SNX31: variants seen among roughly 807,000 people sequenced by gnomAD.
The protein encoded by SNX31 is sorting nexin-31.
Under a neutral mutation model 65.4 loss-of-function variants are expected in SNX31, and 58 were observed. The observed-to-expected ratio is 0.89, with a 90% CI of 0.72 to 1.10. SNX31 has a LOEUF of 1.10. SNX31 is among the 50% of genes least tolerant of loss of function. SNX31 has a pLI of 0.00. For missense variants in SNX31, 523 were observed against 529.7 expected (o/e 0.99, Z 0.12); for synonymous variants, 181 against 190.1 (o/e 0.95, Z 0.39).
chr8:100,655,123 C>G (rs1300094914), intron 1 of SNX31, among the ~76,000 whole-genome samples: 1 of 152,112 alleles, frequency 6.6e-6, no homozygotes, highest in Non-Finnish European at 1.5e-5. Flanking sequence ...ATACCAGCAC[C>G]TTGGGGAAGG....
intron 2 of SNX31, among the ~76,000 whole-genome samples, chr8:100,647,306 T>C (rs76833473): frequency 0.066 from 9,994 of 152,280 alleles, 455 homozygotes; most frequent in Non-Finnish European, 0.095. Flanking sequence ...CTATTGTATG[T>C]CCTACTGAGG....
rs537854541 is a variant in SNX31, at chr8:100,649,461, C to T, written c.54G>A (p.Gly18=). The T allele has an allele frequency of 3.8e-6, 6 of 1,588,492 alleles. No homozygotes were observed. Among genetic ancestry groups the T allele is most frequent in the Non-Finnish European group, 5.1e-6 (6 of 1,168,250 alleles). ...PVSQQRSDAL[G]GRYVLYSVHL... ...GCCCTGGGCGCACCACGTAGCGGCC[C>T]CCCAGCGCGTCGGACCGCTGCTGGG... The change falls in exon 1 of 14, where the codon GGG becomes GGA. Residue 18 remains glycine, a synonymous_variant. Transcript: ENST00000311812.
intron 13 of SNX31, among the ~76,000 whole-genome samples, chr8:100,574,282 A>G (rs1366787978): frequency 6.6e-6 from 1 of 152,152 alleles, no homozygotes; most frequent in African/African-American, 2.4e-5. Context: ...GCGACTTTCA[A>G]TTTTTAACTT....
At chr8:100,624,742 A>G (rs1817931970) in intron 4 of SNX31, among the ~76,000 whole-genome samples, 1 of 152,206 alleles carries the variant, frequency 6.6e-6, no homozygotes, top group African/African-American at 2.4e-5. Context: ...AGCTGGGGGG[A>G]AAAGTCAACC....
At chr8:100,602,315 A>T (rs1249052554) in intron 8 of SNX31, among the ~76,000 whole-genome samples, 1 of 152,210 alleles carries the variant, frequency 6.6e-6, no homozygotes, top group African/African-American at 2.4e-5. Flanking sequence ...GCTGGGGGAA[A>T]AGGACATGGG....
Position 100,625,036 on chromosome 8 carries a change from C to G in SNX31, c.321+5291G>C, listed in dbSNP as rs1219536324. Among the ~76,000 whole-genome samples the G allele has an allele frequency of 1.3e-5, 2 of 152,080 alleles. No homozygotes were observed. The highest frequency in any genetic ancestry group is 1.3e-4 in the Admixed American group (2 of 15,258). Reference sequence around the variant, plus strand: ...ATGTTGCCCAGGCTGGTCTTCAACTCCTGGCCTCAAGTAATTCTCCCACCT... The same window carrying G: ...ATGTTGCCCAGGCTGGTCTTCAACTGCTGGCCTCAAGTAATTCTCCCACCT... On this transcript the variant is annotated intron_variant, in intron 4 of 13. Coordinates refer to ENST00000311812, the MANE Select transcript of SNX31 (RefSeq NM_152628.4). The surrounding 1 kb of genome is among the most constrained non-coding windows in gnomAD (Gnocchi z 4.2).
In SNX31 at chr8:100,649,431, C is replaced by T; in HGVS notation, c.66+18G>A. 6.7e-7 allele frequency: 1 copy of T among 1,493,550 alleles called. No homozygotes were observed. The allele number at this position is 1,493,550 out of a possible 1,614,324, so 92.5% of individuals were successfully genotyped here. On this transcript the variant is annotated intron_variant, in intron 1 of 13. Transcript: ENST00000311812. ...CCGGCCCCCTCCCTGCCCACCCTGA[C>T]CCCAGCCCTGGGCGCACCACGTAGC...
intron 12 of SNX31, among the ~76,000 whole-genome samples, chr8:100,581,689 A>G (rs1456106371): frequency 1.3e-5 from 2 of 152,186 alleles, no homozygotes; most frequent in Non-Finnish European, 2.9e-5. Flanking sequence ...TGCAAAATAG[A>G]GACCTCTGTG....
intron 4 of SNX31, among the ~76,000 whole-genome samples, chr8:100,624,267 G>A (rs1563563098): frequency 6.6e-6 from 1 of 152,096 alleles, no homozygotes; most frequent in Non-Finnish European, 1.5e-5. Context: ...GCAACATAGT[G>A]AGATCCTGTA....
rs149658349 is a variant in SNX31 at position 100,608,539 on chromosome 8, G to C, written c.636C>G (p.Ser212=). The C allele has an allele frequency of 1.2e-5, 20 of 1,613,842 alleles. No homozygotes were observed. The African/African-American group carries it at 2.3e-4, about 18-fold the overall frequency. Residue 212 remains serine, a synonymous_variant, in exon 8 of 14, where the codon TCC becomes TCG. Transcript: ENST00000311812. ...CCGCCACCCTGCAGTCCATCAGCAC[G>C]GAGTCGAGGGATGGAGCCATATACC... is the stretch of plus-strand genomic sequence containing the variant. ...RKWYMAPSLD[S]VLMDCRVAVD...
intron 3 of SNX31, among the ~76,000 whole-genome samples, chr8:100,631,018 C>G (rs1818376922): frequency 1.3e-5 from 2 of 152,036 alleles, no homozygotes; most frequent in African/African-American, 2.4e-5. Context: ...AAATGCCCAA[C>G]CTCAGGTGAT....
intron 8 of SNX31, among the ~76,000 whole-genome samples, chr8:100,606,725 C>T (rs991648956): frequency 6.6e-6 from 1 of 152,190 alleles, no homozygotes; most frequent in South Asian, 2.1e-4. Context: ...TAAATAAAGG[C>T]CACCTGTAAA....
intron 10 of SNX31, among the ~76,000 whole-genome samples, chr8:100,593,026 C>A (rs1814726607): frequency 6.6e-6 from 1 of 152,052 alleles, no homozygotes; most frequent in African/African-American, 2.4e-5. Flanking sequence ...TTTTTTAGGG[C>A]TGGGGGGATA....
chr8:100,587,654 G>A (rs902876393), intron 11 of SNX31, among the ~76,000 whole-genome samples: 12 of 152,222 alleles, frequency 7.9e-5, no homozygotes, highest in African/African-American at 1.9e-4. Flanking sequence ...GTCCACATGG[G>A]TGGCTGAGGT....
rs1474588572 is a variant in SNX31 at position 100,649,509 on chromosome 8, C to T, written c.6G>A (p.Lys2=). The T allele has an allele frequency of 4.5e-6, 7 of 1,564,014 alleles. No homozygotes were observed. In the African/African-American group the frequency reaches 6.8e-5, roughly 15 times the overall value. Residue 2 remains lysine (K), a synonymous_variant, in exon 1 of 14, where the codon AAG becomes AAA. Coordinates refer to ENST00000311812, the MANE Select transcript of SNX31 (RefSeq NM_152628.4). ...GGGACACCGGGATACAGAAATGCAT[C>T]TTCATGGCTGAGCGGTGTCTTGGGA... M[K]MHFCIPVSQQ...
intron 8 of SNX31, among the ~76,000 whole-genome samples, chr8:100,602,548 T>C (rs1815741205): frequency 6.6e-6 from 1 of 152,170 alleles, no homozygotes; most frequent in Non-Finnish European, 1.5e-5. Flanking sequence ...AATTTATAAA[T>C]TAGGCACAGT....
At chr8:100,620,937 G>A (rs1817638837) in intron 4 of SNX31, among the ~76,000 whole-genome samples, 1 of 152,054 alleles carries the variant, frequency 6.6e-6, no homozygotes, top group African/African-American at 2.4e-5. Context: ...GGCCAACATG[G>A]TGAAACCCTA....
At position 100,575,373 on chromosome 8, in the gene SNX31, C is replaced by A. The variant is rs777627565; in HGVS notation, c.1228-1413G>T. On this transcript the variant is annotated intron_variant, in intron 13 of 13. Transcript: ENST00000311812. The surrounding 1 kb of genome is among the most constrained non-coding windows in gnomAD (Gnocchi z 5.1). Reference sequence around the variant, plus strand: ...TACATAAAAAGTAATTATAGCAGTTCATGGCTCAGGATAAGGTCTATACAA... The same window carrying A: ...TACATAAAAAGTAATTATAGCAGTTAATGGCTCAGGATAAGGTCTATACAA... Among the ~76,000 whole-genome samples the A allele has an allele frequency of 1.4e-4, 22 of 152,186 alleles. No homozygotes were observed. The highest frequency in any genetic ancestry group is 2.6e-4 in the Admixed American group (4 of 15,288).
intron 4 of SNX31, chr8:100,619,273 T>C (rs1224339062): frequency 6.6e-6 from 1 of 152,234 alleles, no homozygotes; most frequent in Non-Finnish European, 1.5e-5. Context: ...ACACTAAATA[T>C]GCAGTAATTT....
Sources: allele counts gnomAD v4.1 joint callset (sites outside exome capture counted in the v4.1 genomes callset), GRCh38; gene constraint gnomAD v4.1.1; non-coding constraint Gnocchi (gnomAD v3.1); transcripts MANE v1.5; gene names NCBI Gene and HGNC (gene_info 2026-07-23, HGNC 2026-07-21).